The following FUBP1 variants were observed in gnomAD, a reference collection of about 807,000 sequenced individuals.
The protein encoded by FUBP1 is far upstream element binding protein 1.
A neutral mutation model predicts 94.9 loss-of-function variants in FUBP1; 16 were observed. The observed-to-expected ratio is 0.17, with a 90% CI of 0.11 to 0.26. FUBP1 has a LOEUF of 0.26. Among genes scored for constraint, FUBP1 ranks in the 10% least tolerant of loss-of-function variants. The probability of loss-of-function intolerance (pLI) is 1.00; values close to 1 mark genes in which losing one functional copy is unlikely to be tolerated. For synonymous variants in FUBP1, 279 were observed against 254.9 expected (o/e 1.09, Z -0.90); for missense variants, 583 against 808.6 (o/e 0.72, Z 3.38).
intron 16 of FUBP1, among the ~76,000 whole-genome samples, chr1:77,957,739 C>A (rs1306935942): frequency 6.6e-6 from 1 of 151,896 alleles, no homozygotes; most frequent in Non-Finnish European, 1.5e-5. Context: ...TATTAGGACA[C>A]CTGCCAAACT....
chr1:77,952,286 T>G (rs1049929999), intron 18 of FUBP1, among the ~76,000 whole-genome samples: 8 of 151,492 alleles, frequency 5.3e-5, no homozygotes, highest in African/African-American at 1.9e-4. Flanking sequence ...TCCTCTTAGT[T>G]TGGTGTTATC....
At chr1:77,961,478 C>T (rs997400760) in intron 14 of FUBP1, among the ~76,000 whole-genome samples, 2 of 152,178 alleles carry the variant, frequency 1.3e-5, no homozygotes, top group Admixed American at 6.5e-5. Flanking sequence ...GGTTATGTGG[C>T]AGGCATTCTT....
intron 2 of FUBP1, chr1:77,969,122 T>A: frequency 1.3e-6 from 1 of 796,426 alleles, no homozygotes; most frequent in Non-Finnish European, 1.9e-6. Flanking sequence ...ACATACAACA[T>A]CTGAAGCATC....
chr1:77,956,524 T>C, intron 17 of FUBP1, 48 bp downstream of exon 17: 2 of 1,437,374 alleles, frequency 1.4e-6, no homozygotes, highest in East Asian at 4.6e-5. Context: ...TCATATATAA[T>C]TCCAAGCACA....
chr1:77,969,232 A>G (rs555439639), intron 2 of FUBP1: 37 of 261,074 alleles, frequency 1.4e-4, no homozygotes, highest in African/African-American at 6.1e-4. Context: ...CTACAAATAC[A>G]TTCTATAGCC....
chr1:77,966,055 T>A (rs1323674274), intron 7 of FUBP1, among the ~76,000 whole-genome samples: 3 of 151,836 alleles, frequency 2.0e-5, no homozygotes, highest in African/African-American at 7.3e-5. Context: ...GAGGGAGAAC[T>A]AACAATGCAG....
chr1:77,978,748 G>A (rs1659252949), intron 1 of FUBP1, 137 bp downstream of exon 1: 1 of 1,097,052 alleles, frequency 9.1e-7, no homozygotes. Flanking sequence ...TACCAACATG[G>A]GGAAACGTGT....
intron 2 of FUBP1, among the ~76,000 whole-genome samples, chr1:77,969,716 C>T (rs1657158051): frequency 6.6e-6 from 1 of 151,870 alleles, no homozygotes; most frequent in African/African-American, 2.4e-5. Context: ...ACAAAACTTC[C>T]TTTTTTAAAA....
chr1:77,949,326 T>C lies in FUBP1; in HGVS notation c.1781-26A>G, dbSNP rs374511552. On this transcript the variant is annotated intron_variant, in intron 18 of 19. Coordinates refer to ENST00000370768, the MANE Select transcript of FUBP1 (RefSeq NM_003902.5). ...CTTTGAAAAAAAAGAACTTTGTTGC[T>C]GTAACCACAATTATAAGCCCAACAT... 2.2e-5 allele frequency: 36 copies of C among 1,600,598 alleles called. No homozygotes were observed. In the African/African-American group the frequency reaches 4.0e-4, roughly 18 times the overall value.
At chr1:77,977,005 G>A (rs1311144881) in intron 1 of FUBP1, among the ~76,000 whole-genome samples, 1 of 152,044 alleles carries the variant, frequency 6.6e-6, no homozygotes, top group Non-Finnish European at 1.5e-5. Flanking sequence ...ATAATGTCTT[G>A]CTCATATATC....
chr1:77,965,643 G>A (rs376090356), intron 7 of FUBP1, among the ~76,000 whole-genome samples: 2 of 152,166 alleles, frequency 1.3e-5, no homozygotes, highest in East Asian at 1.9e-4. Flanking sequence ...GCTATTCTAG[G>A]TAATGGGGTA....
chr1:77,965,274 C>G (rs775807309), intron 7 of FUBP1, 43 bp from the exon 8 acceptor site: 1 of 1,310,710 alleles, frequency 7.6e-7, no homozygotes, highest in Non-Finnish European at 1.1e-6. Context: ...GTAGCATACC[C>G]AAGCTTATTC....
At position 77,960,472 on chromosome 1, in the gene FUBP1, T is replaced by C; in HGVS notation, c.1368A>G (p.Pro456=). ...KIGGPVNPLG[P]PVPHGPHGVP... is the part of the protein sequence containing the mutation. ...CACCATGGGGCCCATGGGGTACAGG[T>C]GGCCCTAAAGGATTTACTGGGCCCT... The change falls in exon 15 of 20, where the codon CCA becomes CCG. Residue 456 remains proline (P), a synonymous_variant. Transcript: ENST00000370768. 1 of 1,600,592 alleles carries C rather than the reference T, an allele frequency of 6.2e-7. No individual in the cohort carries two copies. Among genetic ancestry groups the C allele is most frequent in the Non-Finnish European group, 8.5e-7 (1 of 1,176,360 alleles).
rs1223540737 is a variant in FUBP1 at position 77,962,755 on chromosome 1, T to A, written c.1344+15A>T. ...AGGGTCTACACTAAAAATTAAAAGT[T>A]TAAAGTATACTCACACCAATCTTTT... On this transcript the variant is annotated intron_variant, in intron 14 of 19. Transcript: ENST00000370768. The A allele has an allele frequency of 1.8e-5, 29 of 1,590,314 alleles. 1 individual carries two copies. The East Asian group carries it at 6.3e-4, about 34-fold the overall frequency.
chr1:77,969,971 T>C lies in FUBP1; in HGVS notation c.165A>G (p.Ser55=), dbSNP rs746819414. 6.3e-6 allele frequency: 10 copies of C among 1,595,932 alleles called. No individual in the cohort carries two copies. Among genetic ancestry groups the C allele is most frequent in the Non-Finnish European group, 6.9e-6 (8 of 1,167,294 alleles). The change falls in exon 2 of 20, where the codon TCA becomes TCG. Residue 55 remains serine (S), a synonymous_variant. Transcript: ENST00000370768. ...IGGDAGTSLN[S]NDYGYGGQKR... The stretch of plus-strand genomic sequence containing the variant: ...TTTGTCCCCCATAACCATAGTCATT[T>C]GAATTCAGTGATGTCCCTGCATCAC...
chr1:77,960,290 C>G, intron 15 of FUBP1, 27 bp from the exon 16 acceptor site: 2 of 1,612,390 alleles, frequency 1.2e-6, no homozygotes, highest in Admixed American at 1.7e-5. Flanking sequence ...GCATAAAAAA[C>G]AGTCCCAAAA....
intron 16 of FUBP1, among the ~76,000 whole-genome samples, chr1:77,957,634 T>G (rs1654707588): frequency 6.6e-6 from 1 of 152,194 alleles, no homozygotes; most frequent in African/African-American, 2.4e-5. Context: ...ACAGTAGCAA[T>G]TCTCAGCTGC....
intron 1 of FUBP1, among the ~76,000 whole-genome samples, chr1:77,974,311 T>G (rs1021938864): frequency 6.6e-6 from 1 of 152,068 alleles, no homozygotes; most frequent in Non-Finnish European, 1.5e-5. Flanking sequence ...TTTTTGTATT[T>G]TTAGTAGAGA....
chr1:77,964,860 T>G lies in FUBP1; in HGVS notation c.735+10A>C. On this transcript the variant is annotated intron_variant, in intron 9 of 19. Transcript: ENST00000370768. ...CACTCTTTCTTTATAAAGTATAAAGTTAAGTTTACTTGAACTTTATATGGG... is the reference window on the plus strand; with the variant it reads ...CACTCTTTCTTTATAAAGTATAAAGGTAAGTTTACTTGAACTTTATATGGG... 6.4e-7 allele frequency: 1 copy of G among 1,571,724 alleles called. No homozygotes were observed. Among genetic ancestry groups the G allele is most frequent in the Non-Finnish European group, 8.8e-7 (1 of 1,141,462 alleles).
Sources: allele counts gnomAD v4.1 joint callset (sites outside exome capture counted in the v4.1 genomes callset), GRCh38; gene constraint gnomAD v4.1.1; transcripts MANE v1.5; gene names NCBI Gene and HGNC (gene_info 2026-07-23, HGNC 2026-07-21).